The following PDE12 variants were observed in gnomAD, a reference collection of about 807,000 sequenced individuals.
The protein encoded by PDE12 is phosphodiesterase 12, also known as 2',5'-phosphodiesterase 12.
Under a neutral mutation model 45.4 loss-of-function variants are expected in PDE12, and 26 were observed. The observed-to-expected ratio is 0.57, with a 90% CI of 0.42 to 0.79. The LOEUF is 0.79. Ranked by LOEUF, PDE12 falls within the 30% of genes least tolerant of loss-of-function variation. PDE12 has a pLI of 0.00. For missense variants in PDE12, 668 were observed against 790.0 expected (o/e 0.85, Z 1.85); for synonymous variants, 283 against 323.9 (o/e 0.87, Z 1.36).
At chr3:57,590,123 AT>A in the PDE12 span, among the ~76,000 whole-genome samples, 8 of 147,656 alleles carry the variant, frequency 5.4e-5, no homozygotes, top group Admixed American at 5.4e-4. Context: ...AAATAAATAA[AT>A]AAATAAATAA....
downstream of PDE12, among the ~76,000 whole-genome samples, chr3:57,568,740 ATAAGG>A (rs1275913342): frequency 2.0e-5 from 3 of 151,904 alleles, no homozygotes; most frequent in Non-Finnish European, 4.4e-5. Flanking sequence ...TGGAGGGTAT[ATAAGG>A]TAAGTGGAAA....
chr3:57,587,897 A>G, the PDE12 span, among the ~76,000 whole-genome samples: 113 of 152,354 alleles, frequency 7.4e-4, no homozygotes, highest in African/African-American at 2.6e-3. Flanking sequence ...AATGCTGTAT[A>G]AATGCAAATT....
chr3:57,556,680 A>G lies in PDE12; in HGVS notation c.301A>G (p.Asn101Asp), dbSNP rs139532703. The change falls in exon 1 of 3, where the codon AAT becomes GAT. Residue 101 changes from asparagine to aspartate, a missense_variant. Transcript: ENST00000311180. The surrounding 1 kb of genome is among the most constrained non-coding windows in gnomAD (Gnocchi z 5.0). ...AAKKSRKSRP[N>D]ASGGAACSGP... is the part of the protein sequence containing the mutation. ...CAAGAAGAGCAGGAAGAGCCGGCCG[A>G]ATGCTAGCGGCGGTGCGGCCTGTTC... is the stretch of plus-strand genomic sequence containing the variant. The G allele has an allele frequency of 2.0e-4, 312 of 1,597,998 alleles. 2 individuals are homozygous for G. Among genetic ancestry groups the G allele is most frequent in the South Asian group, 5.7e-4 (51 of 89,996 alleles).
In PDE12 at chr3:57,566,639, A is replaced by G. The variant is rs1294878107; in HGVS notation, c.*6635A>G. The G allele has an allele frequency of 6.6e-6, 1 of 151,992 alleles. No homozygotes were observed. The highest frequency in any genetic ancestry group is 2.4e-5 in the African/African-American group (1 of 41,364). 9.4% of individuals were successfully genotyped at this position (151,992 alleles called of 1,614,324 possible). ...TCATTAACACTTTATTATCTTTTTG[A>G]TTATAGGCATCCTAGTGTCAAGTGG... On this transcript the variant is annotated 3_prime_UTR_variant, in exon 3 of 3. Coordinates refer to ENST00000311180, the MANE Select transcript of PDE12 (RefSeq NM_177966.7).
At chr3:57,614,546 T>TTG in the PDE12 span, among the ~76,000 whole-genome samples, 2 of 47,054 alleles carry the variant, frequency 4.3e-5, no homozygotes, top group Non-Finnish European at 8.0e-5. Flanking sequence ...TGTTTTTTGT[T>TTG]TTTTTTTTTT....
At chr3:57,587,515 G>C in the PDE12 span, among the ~76,000 whole-genome samples, 3 of 151,598 alleles carry the variant, frequency 2.0e-5, no homozygotes, top group African/African-American at 7.3e-5. Context: ...CTCCTCTACT[G>C]ATAGGAATTT....
At chr3:57,584,324 A>T in the PDE12 span, 2 of 1,343,106 alleles carry the variant, frequency 1.5e-6, no homozygotes, top group Non-Finnish European at 2.1e-6. Context: ...TCAAAACTAG[A>T]CTGTATATAT....
chr3:57,585,447 T>C, the PDE12 span, among the ~76,000 whole-genome samples: 1 of 152,122 alleles, frequency 6.6e-6, no homozygotes, highest in Non-Finnish European at 1.5e-5. Flanking sequence ...CAACATTAAA[T>C]GTGCCAAAAT....
At chr3:57,593,034 A>G in the PDE12 span, among the ~76,000 whole-genome samples, 8 of 152,130 alleles carry the variant, frequency 5.3e-5, no homozygotes, top group African/African-American at 1.4e-4. Context: ...CAAGACCCCC[A>G]TTCTCTACAA....
chr3:57,623,244 CT>C, the PDE12 span, among the ~76,000 whole-genome samples: 1 of 151,478 alleles, frequency 6.6e-6, no homozygotes, highest in South Asian at 2.1e-4. Flanking sequence ...GAACTCATCT[CT>C]ACAAAACAAC....
At chr3:57,645,830 T>A in the PDE12 span, 30 of 1,086,074 alleles carry the variant, frequency 2.8e-5, no homozygotes, top group African/African-American at 4.7e-4. Context: ...AGAAAACATC[T>A]ATACAAACGG....
chr3:57,604,616 T>TGGG, the PDE12 span, among the ~76,000 whole-genome samples: 7 of 10,272 alleles, frequency 6.8e-4, no homozygotes, highest in Non-Finnish European at 1.5e-3. Context: ...TTTTTTTTTT[T>TGGG]TGGGGGGGGT....
downstream of PDE12, chr3:57,571,460 G>A (rs1248518431): frequency 6.6e-6 from 1 of 152,518 alleles, no homozygotes; most frequent in Admixed American, 6.6e-5. Context: ...TCTTAATGAA[G>A]ATATGTCTGC....
chr3:57,572,653 G>A, the PDE12 span, among the ~76,000 whole-genome samples: 2 of 152,140 alleles, frequency 1.3e-5, no homozygotes, highest in Non-Finnish European at 2.9e-5. Flanking sequence ...TCCAGCCTGG[G>A]CGACAGAGTG....
intron 1 of PDE12, among the ~76,000 whole-genome samples, chr3:57,558,020 A>G (rs1157638380): frequency 6.6e-6 from 1 of 152,238 alleles, no homozygotes; most frequent in Non-Finnish European, 1.5e-5. Context: ...GTTCTGGCAC[A>G]TTTTAAAGTA....
the PDE12 span, among the ~76,000 whole-genome samples, chr3:57,618,879 A>T: frequency 7.9e-5 from 12 of 151,782 alleles, no homozygotes; most frequent in Non-Finnish European, 1.8e-4. Context: ...AAGTGCTGGG[A>T]TTACAGGTGT....
the PDE12 span, among the ~76,000 whole-genome samples, chr3:57,620,745 A>T: frequency 3.3e-5 from 5 of 152,228 alleles, no homozygotes; most frequent in African/African-American, 9.6e-5. Context: ...CATCAAAAAT[A>T]TGATACGCTT....
chr3:57,556,282 T>C lies in PDE12; in HGVS notation c.-98T>C, dbSNP rs961624073. On this transcript the variant is annotated 5_prime_UTR_variant, in exon 1 of 3. Transcript: ENST00000311180. This position sits in a 1 kb window ranked among gnomAD's most constrained non-coding sequence, Gnocchi z 5.0. ...TTCGCTAGCCGGAAGTCGCGAGATCTGAATGAGTCAAAGCCGGCGGCCTCG... is the reference window on the plus strand; with the variant it reads ...TTCGCTAGCCGGAAGTCGCGAGATCCGAATGAGTCAAAGCCGGCGGCCTCG... 4 of 1,281,964 alleles carry C rather than the reference T, an allele frequency of 3.1e-6. No homozygotes were observed. Among genetic ancestry groups the C allele is most frequent in the Non-Finnish European group, 3.1e-6 (3 of 956,238 alleles). The allele number at this position is 1,281,964 out of a possible 1,614,324, so 79.4% of individuals were successfully genotyped here.
rs751152299 is a variant in PDE12, at chr3:57,559,645, G to C, written c.1471G>C (p.Val491Leu). The change falls in exon 3 of 3, where the codon GTT (valine) becomes CTT (leucine). Residue 491 changes from valine to leucine, a missense_variant. Val to Leu is a conservative substitution (Grantham distance 32, BLOSUM62 1). Around this residue, in one of 3 missense-constraint regions of PDE12, gnomAD observed 580 missense variants for 662.9 expected, o/e 0.87. Coordinates refer to ENST00000311180, the MANE Select transcript of PDE12 (RefSeq NM_177966.7). ...ATGTGATCTGTATCCTGGCATACCA[G>C]TTATATTTTGTGGGGACTTTAATAG... The part of the protein sequence containing the change: ...VSCDLYPGIP[V>L]IFCGDFNSTP... The C allele has an allele frequency of 2.5e-6, 4 of 1,614,054 alleles. No homozygotes were observed. Among genetic ancestry groups the C allele is most frequent in the Non-Finnish European group, 3.4e-6 (4 of 1,180,040 alleles).
Sources: gnomAD v4.1 joint callset for allele counts (sites outside exome capture counted in the v4.1 genomes callset) on GRCh38, gnomAD v4.1.1 for gene constraint, gnomAD v4.1.1 regional missense constraint, Gnocchi (gnomAD v3.1) non-coding constraint, MANE v1.5 for transcripts, NCBI Gene and HGNC (gene_info 2026-07-23, HGNC 2026-07-21) for gene names.